The following TTN variants were observed in gnomAD, a reference collection of about 807,000 sequenced individuals.
The protein encoded by TTN is connectin.
In TTN, 1,525 loss-of-function variants were observed where a neutral mutation model predicts 3,223.0. That is an observed-to-expected ratio of 0.47 (90% CI 0.45 to 0.49). The LOEUF is 0.49. TTN is among the 20% of genes least tolerant of loss of function. TTN has a pLI of 0.00. For missense variants in TTN, 40,786 were observed against 43,424.0 expected (o/e 0.94, Z 5.40); for synonymous variants, 14,094 against 15,161.0 (o/e 0.93, Z 5.17).
chr2:178,604,674 T>C (rs2054357710), intron 281 of TTN, 34 bp downstream of exon 281: 1 of 1,551,152 alleles, frequency 6.4e-7, no homozygotes, highest in African/African-American at 1.4e-5. Flanking sequence ...CATGTACTTT[T>C]AATGTGTATA....
chr2:178,721,824 T>G (rs753078112), intron 78 of TTN, 23 bp downstream of exon 78: 4 of 1,472,774 alleles, frequency 2.7e-6, no homozygotes, highest in Non-Finnish European at 3.6e-6. Flanking sequence ...GAACAAATAT[T>G]GTCAAAAGTC....
Position 178,547,892 on chromosome 2 carries a change from G to C in TTN, c.93734C>G (p.Pro31245Arg), listed in dbSNP as rs760438860. The change falls in exon 339 of 363, where the codon CCC becomes CGC. Residue 31245 changes from proline to arginine, a missense_variant. Coordinates refer to ENST00000589042, the MANE Select transcript of TTN (RefSeq NM_001267550.2). ...IDVPISGRPA[P>R]KVTWKLEEMR... ...TTCTTCCAGTTTCCATGTTACTTTG[G>C]GGGCAGGACGACCACTGATTGGTAC... The C allele has an allele frequency of 1.9e-6, 3 of 1,613,774 alleles. No individual in the cohort carries two copies. The highest frequency in any genetic ancestry group is 2.7e-5 in the African/African-American group (2 of 74,998).
At position 178,590,437 on chromosome 2, in the gene TTN, A is replaced by C; in HGVS notation, c.61288T>G (p.Cys20430Gly). 1 of 1,612,732 alleles carries C rather than the reference A, an allele frequency of 6.2e-7. No individual in the cohort carries two copies. The change falls in exon 304 of 363, where the codon TGT (cysteine) becomes GGT (glycine). Residue 20430 changes from cysteine (C) to glycine (G), a missense_variant. Cys to Gly is a radical substitution (Grantham distance 159). Coordinates refer to ENST00000589042, the MANE Select transcript of TTN (RefSeq NM_001267550.2). ...RINKDELIRQ[C>G]AFRVPGLIEG... Reference sequence around the variant, plus strand: ...ATTAGTCCAGGTACCCTAAAGGCACATTGCCTAATGAGTTCATCTTTATTA... The same window carrying C: ...ATTAGTCCAGGTACCCTAAAGGCACCTTGCCTAATGAGTTCATCTTTATTA...
chr2:178,771,829 AT>A (rs1458460100), intron 33 of TTN, among the ~76,000 whole-genome samples: 16 of 152,144 alleles, frequency 1.1e-4, no homozygotes, highest in African/African-American at 3.9e-4. Flanking sequence ...GGAATCTGAT[AT>A]TTTGACTACA....
In TTN at chr2:178,554,023, T is replaced by A; in HGVS notation, c.89088A>T (p.Thr29696=). The A allele has an allele frequency of 6.2e-7, 1 of 1,613,758 alleles. No homozygotes were observed. The highest frequency in any genetic ancestry group is 8.5e-7 in the Non-Finnish European group (1 of 1,179,812). ...ETIRDTRQKV[T]GLTENSDYQY... ...GATAGTCACTGTTTTCTGTGAGTCC[T>A]GTTACTTTTTGTCTGGTGTCACGGA... Residue 29696 remains threonine, a synonymous_variant, in exon 333 of 363, where the codon ACA becomes ACT. Transcript: ENST00000589042.
In TTN at chr2:178,633,031, A is replaced by G. The variant is rs397517572; in HGVS notation, c.43100T>C (p.Ile14367Thr). The G allele has an allele frequency of 3.8e-5, 61 of 1,612,934 alleles. No individual in the cohort carries two copies. The highest frequency in any genetic ancestry group is 1.2e-4 in the Admixed American group (7 of 59,966). ...PLTASPDCEI[I>T]EDGKKHILIL... ...CAGAATATGCTTCTTTCCATCCTCA[A>G]TGATTTCACAGTCCTGTTTGGAGTG... The change falls in exon 234 of 363, where the codon ATT becomes ACT. Residue 14367 changes from isoleucine (I) to threonine (T), a missense_variant. Ile to Thr is a moderately conservative substitution (Grantham distance 89). Transcript: ENST00000589042.
intron 45 of TTN, among the ~76,000 whole-genome samples, chr2:178,757,171 T>C (rs552289286): frequency 2.4e-4 from 37 of 151,750 alleles, no homozygotes; most frequent in African/African-American, 8.3e-4. Flanking sequence ...TAAGTAATAC[T>C]GTACTTACTT....
chr2:178,721,645 A>G (rs1195361311), intron 78 of TTN, among the ~76,000 whole-genome samples: 1 of 152,156 alleles, frequency 6.6e-6, no homozygotes, highest in African/African-American at 2.4e-5. Context: ...TTTTGATAAG[A>G]TTACACTTAG....
rs1294263680 is a variant in TTN, at chr2:178,768,877, T to A, written c.8959A>T (p.Thr2987Ser). ...DINAEEKDTI[T>S]FEVTVNYEGI... Reference sequence around the variant, plus strand: ...TCATAGTTCACTGTCACCTCAAAAGTAATAGTGTCTTTTTCTTCAGCGTTG... The same window carrying A: ...TCATAGTTCACTGTCACCTCAAAAGAAATAGTGTCTTTTTCTTCAGCGTTG... Residue 2987 changes from threonine to serine, a missense_variant, in exon 38 of 363, where the codon ACT (threonine) becomes TCT (serine). Transcript: ENST00000589042. 1.9e-6 allele frequency: 3 copies of A among 1,614,052 alleles called. No homozygotes were observed. The highest frequency in any genetic ancestry group is 1.7e-6 in the Non-Finnish European group (2 of 1,179,998).
rs953306305 is a variant in TTN, at chr2:178,654,010, A to T, written c.38464+2T>A. The T allele has an allele frequency of 1.3e-6, 2 of 1,572,738 alleles. No individual in the cohort carries two copies. The highest frequency in any genetic ancestry group is 1.7e-6 in the Non-Finnish European group (2 of 1,166,538). Reference sequence around the variant, plus strand: ...GCAGGATAAGGTTGAGCTGACATGTACCTGTAACTGCGGGGGCTTCTGGTT... The same window carrying T: ...GCAGGATAAGGTTGAGCTGACATGTTCCTGTAACTGCGGGGGCTTCTGGTT... On this transcript the variant is annotated splice_donor_variant, in intron 194 of 362. Transcript: ENST00000589042. LOFTEE classifies it high-confidence loss of function.
At chr2:178,544,986 G>T (rs1696364140) in intron 344 of TTN, among the ~76,000 whole-genome samples, 1 of 152,126 alleles carries the variant, frequency 6.6e-6, no homozygotes, top group African/African-American at 2.4e-5. Context: ...TGAAGCTCTT[G>T]TCACAATTAC....
intron 7 of TTN, 149 bp from the exon 8 acceptor site, chr2:178,794,700 T>A: frequency 8.9e-7 from 1 of 1,122,532 alleles, no homozygotes; most frequent in South Asian, 1.3e-5. Context: ...GACTGTATCA[T>A]TAAAACCTGT....
chr2:178,527,832 A>ACTT, intron 361 of TTN, 84 bp from the exon 362 acceptor site: 9 of 1,271,454 alleles, frequency 7.1e-6, no homozygotes, highest in Non-Finnish European at 9.6e-6. Context: ...AGAAATGGAA[A>ACTT]CTTCAACACA....
rs765343517 is a variant in TTN at position 178,613,734 on chromosome 2, G to C, written c.49532+17C>G. 3 of 1,607,924 alleles carry C rather than the reference G, an allele frequency of 1.9e-6. No individual in the cohort carries two copies. In the Admixed American group the frequency reaches 5.1e-5, roughly 27 times the overall value. On this transcript the variant is annotated intron_variant, in intron 263 of 362. Coordinates refer to ENST00000589042, the MANE Select transcript of TTN (RefSeq NM_001267550.2). ...TATACTGCTGTCTTAACATCTTGAT[G>C]GGGATTCTGAGCATACCTGTATGTT...
intron 127 of TTN, 86 bp from the exon 128 acceptor site, chr2:178,685,684 T>C: frequency 1.5e-6 from 2 of 1,343,950 alleles, no homozygotes; most frequent in Non-Finnish European, 2.1e-6. Context: ...CAAAGAGTAA[T>C]CAAAATAGCA....
intron 22 of TTN, 118 bp downstream of exon 22, chr2:178,779,882 T>C (rs984174890): frequency 3.0e-6 from 3 of 983,998 alleles, no homozygotes; most frequent in Admixed American, 2.2e-5. Flanking sequence ...AACAGTGAAC[T>C]TGGACCTTCT....
At chr2:178,556,468 A>C (rs997476197) in intron 330 of TTN, 27 of 222,664 alleles carry the variant, frequency 1.2e-4, no homozygotes, top group Middle Eastern at 1.5e-3. Flanking sequence ...AAAAAAAAAA[A>C]CCAAAAAATG....
intron 92 of TTN, chr2:178,713,638 A>C (rs2077018482): frequency 1.4e-6 from 1 of 700,392 alleles, no homozygotes; most frequent in Non-Finnish European, 2.2e-6. Flanking sequence ...TTCAGCATAA[A>C]TGAAGACTGC....
Position 178,544,522 on chromosome 2 carries a change from AG to A in TTN, c.95723-17del. ...CCAGGGGTATCTGTGGAATTTAAAA[AG>A]TGAGATGCAGATATTAGGCAAATAA... On this transcript the variant is annotated splice_polypyrimidine_tract_variant and intron_variant, in intron 344 of 362. Transcript: ENST00000589042. 1 of 1,574,698 alleles carries A rather than the reference AG, an allele frequency of 6.4e-7. No homozygotes were observed. The highest frequency in any genetic ancestry group is 8.6e-7 in the Non-Finnish European group (1 of 1,156,966).
Sources: allele counts gnomAD v4.1 joint callset (sites outside exome capture counted in the v4.1 genomes callset), GRCh38; gene constraint gnomAD v4.1.1; transcripts MANE v1.5; gene names NCBI Gene and HGNC (gene_info 2026-07-23, HGNC 2026-07-21).